TTN: variants seen among roughly 807,000 people sequenced by gnomAD.
The protein encoded by TTN is titin.
A neutral mutation model predicts 3,223.0 loss-of-function variants in TTN; 1,525 were observed. That is an observed-to-expected ratio of 0.47 (90% CI 0.45 to 0.49). The LOEUF (loss-of-function observed/expected upper bound fraction) is 0.49. TTN is among the 20% of genes least tolerant of loss of function. The probability of loss-of-function intolerance (pLI) is 0.00; values close to 1 mark genes in which losing one functional copy is unlikely to be tolerated. For missense variants in TTN, 40,786 were observed against 43,424.0 expected (o/e 0.94, Z 5.40); for synonymous variants, 14,094 against 15,161.0 (o/e 0.93, Z 5.17).
At position 178,740,470 on chromosome 2, in the gene TTN, G is replaced by T. The variant is rs1440277193; in HGVS notation, c.12763C>A (p.Gln4255Lys). The change falls in exon 48 of 363, where the codon CAA becomes AAA. Residue 4255 changes from glutamine (Q) to lysine (K), a missense_variant. Transcript: ENST00000589042. ...AAGATGAGCGCACTTTGTGCCTCTTGCTTTTGAAGAGTCACTCTTTGCTCT... is the reference window on the plus strand; with the variant it reads ...AAGATGAGCGCACTTTGTGCCTCTTTCTTTTGAAGAGTCACTCTTTGCTCT... ...NREQRVTLQK[Q>K]EAQSALILSQ... 1 of 1,613,578 alleles carries T rather than the reference G, an allele frequency of 6.2e-7. No homozygotes were observed. Among genetic ancestry groups the T allele is most frequent in the African/African-American group, 1.3e-5 (1 of 74,914 alleles).
At chr2:178,678,393 C>CT (rs1264865517) in intron 144 of TTN, 21 bp downstream of exon 144, 2 of 1,569,712 alleles carry the variant, frequency 1.3e-6, no homozygotes, top group Admixed American at 1.9e-5. Context: ...CCCAAGTACT[C>CT]TAAGTGATGA....
At position 178,530,799 on chromosome 2, in the gene TTN, T is replaced by C; in HGVS notation, c.105816A>G (p.Thr35272=). The C allele has an allele frequency of 6.2e-7, 1 of 1,613,850 alleles. No homozygotes were observed. The highest frequency in any genetic ancestry group is 8.5e-7 in the Non-Finnish European group (1 of 1,179,866). The change falls in exon 358 of 363, where the codon ACA becomes ACG. Residue 35272 remains threonine (T), a synonymous_variant. Transcript: ENST00000589042. ...GGAGGTGCTGAACTTTCTCTGTTGG[T>C]GTTGGTTTTGTCTCTGTGGGTGATA... ...KAVSPTETKP[T]PTEKVQHLPV... is the part of the protein sequence containing the mutation.
chr2:178,538,867 GAGT>G, intron 353 of TTN, 28 bp from the exon 354 acceptor site: 1 of 1,582,700 alleles, frequency 6.3e-7, no homozygotes, highest in Non-Finnish European at 8.6e-7. Flanking sequence ...AATGAAAAGG[GAGT>G]CAGCTTTACT....
chr2:178,770,696 G>A (rs2091335064), intron 34 of TTN, 21 bp from the exon 35 acceptor site: 1 of 1,606,182 alleles, frequency 6.2e-7, no homozygotes, highest in Non-Finnish European at 8.5e-7. Context: ...ATTTATGATT[G>A]GGTTAGAAAA....
chr2:178,559,829 G>T lies in TTN; in HGVS notation c.86303C>A (p.Ala28768Asp). Residue 28768 changes from alanine to aspartate, a missense_variant, in exon 326 of 363, where the codon GCT (alanine) becomes GAT (aspartate). Physicochemically the swap from Ala to Asp is moderately radical, Grantham distance 126. Coordinates refer to ENST00000589042, the MANE Select transcript of TTN (RefSeq NM_001267550.2). The part of the protein sequence containing the change: ...SEMRKTLIVK[A>D]GASFTMTVPF... ...CACAGTCATGGTAAATGAGGCACCAGCCTTGACAATCAAGGTCTTCCTCAT... is the reference window on the plus strand; with the variant it reads ...CACAGTCATGGTAAATGAGGCACCATCCTTGACAATCAAGGTCTTCCTCAT... 6.2e-7 allele frequency: 1 copy of T among 1,610,682 alleles called. No individual in the cohort carries two copies.
In TTN at chr2:178,594,498, G is replaced by T. The variant is rs762362185; in HGVS notation, c.57996C>A (p.His19332Gln). 6.2e-7 allele frequency: 1 copy of T among 1,613,252 alleles called. No individual in the cohort carries two copies. The highest frequency in any genetic ancestry group is 8.5e-7 in the Non-Finnish European group (1 of 1,179,550). Residue 19332 changes from histidine (H) to glutamine (Q), a missense_variant, in exon 296 of 363, where the codon CAC (histidine) becomes CAA (glutamine). By Grantham distance (24) the His-to-Gln change is conservative. Coordinates refer to ENST00000589042, the MANE Select transcript of TTN (RefSeq NM_001267550.2). ...TAAGCAAGTTGTCATTTGTAACTTT[G>T]TGGAACTTCTCAGTCCCAATGAGCC... ...ESRLIGTEKFHKVTNDNLLSR... is the reference protein window; with the variant it reads ...ESRLIGTEKFQKVTNDNLLSR...
Position 178,766,600 on chromosome 2 carries a change from G to T in TTN, c.9484C>A (p.Gln3162Lys). 5 of 1,613,436 alleles carry T rather than the reference G, an allele frequency of 3.1e-6. No individual in the cohort carries two copies. Among genetic ancestry groups the T allele is most frequent in the Non-Finnish European group, 3.4e-6 (4 of 1,179,626 alleles). Residue 3162 changes from glutamine to lysine, a missense_variant, in exon 41 of 363, where the codon CAG becomes AAG. Gln to Lys is a moderately conservative substitution (Grantham distance 53). Coordinates refer to ENST00000589042, the MANE Select transcript of TTN (RefSeq NM_001267550.2). Reference sequence around the variant, plus strand: ...ACCTCAAATTCAACAACAGCACGCTGTTTCTCAATGACCTGTTGATGGAAC... The same window carrying T: ...ACCTCAAATTCAACAACAGCACGCTTTTTCTCAATGACCTGTTGATGGAAC... ...IKKEVQVIEK[Q>K]RAVVEFEVNE... is the part of the protein sequence containing the mutation.
chr2:178,598,167 A>G (rs1576227732), intron 292 of TTN, 109 bp from the exon 293 acceptor site: 1 of 1,293,262 alleles, frequency 7.7e-7, no homozygotes, highest in South Asian at 1.4e-5. Context: ...TTACTCTGGG[A>G]AAATTGTTGC....
intron 126 of TTN, 31 bp from the exon 127 acceptor site, chr2:178,688,255 G>C: frequency 6.3e-7 from 1 of 1,592,980 alleles, no homozygotes; most frequent in Non-Finnish European, 8.6e-7. Context: ...TTTAAATTCA[G>C]CCTGCTGAGA....
chr2:178,597,535 T>A lies in TTN; in HGVS notation c.57544+3A>T. 5.0e-6 allele frequency: 8 copies of A among 1,608,188 alleles called. No homozygotes were observed. The highest frequency in any genetic ancestry group is 6.8e-6 in the Non-Finnish European group (8 of 1,177,524). ...GTTGCACAGACAAATTGAAAGTATT[T>A]ACCTAATACATCAACAATAATTGTC... On this transcript the variant is annotated splice_donor_region_variant and intron_variant, in intron 294 of 362. Transcript: ENST00000589042.
rs72646808 is a variant in TTN at position 178,607,592 on chromosome 2, C to A, written c.53096G>T (p.Arg17699Leu). ...TLRIPAVVTGRPVPTKVWTKE... is the reference protein window; with the variant it reads ...TLRIPAVVTGLPVPTKVWTKE... ...GGTCCATACTTTTGTAGGTACAGGG[C>A]GACCAGTCACCACAGCTGGAATTCT... Residue 17699 changes from arginine to leucine, a missense_variant, in exon 277 of 363, where the codon CGC (arginine) becomes CTC (leucine). Coordinates refer to ENST00000589042, the MANE Select transcript of TTN (RefSeq NM_001267550.2). The A allele has an allele frequency of 1.2e-6, 2 of 1,613,118 alleles. No individual in the cohort carries two copies. The highest frequency in any genetic ancestry group is 1.7e-6 in the Non-Finnish European group (2 of 1,179,378).
chr2:178,601,564 T>G lies in TTN; in HGVS notation c.55433A>C (p.Asp18478Ala), dbSNP rs794729240. Residue 18478 changes from aspartate to alanine, a missense_variant and splice_region_variant, in exon 287 of 363, where the codon GAT becomes GCT. Asp to Ala is a moderately radical substitution (Grantham distance 126). Coordinates refer to ENST00000589042, the MANE Select transcript of TTN (RefSeq NM_001267550.2). The stretch of plus-strand genomic sequence containing the variant: ...CAGATCTTTGGGTGGGCCTGGTACA[T>G]CTGTTGGATGTAAATCACAATATAA... ...KTANCRVKVM[D>A]VPGPPKDLKV... is the part of the protein sequence containing the mutation. 1 of 1,608,476 alleles carries G rather than the reference T, an allele frequency of 6.2e-7. No individual in the cohort carries two copies. The highest frequency in any genetic ancestry group is 8.5e-7 in the Non-Finnish European group (1 of 1,177,006).
rs1702361151 is a variant in TTN at position 178,558,523 on chromosome 2, A to G, written c.86936T>C (p.Val28979Ala). Residue 28979 changes from valine to alanine, a missense_variant, in exon 327 of 363, where the codon GTT (valine) becomes GCT (alanine). Val to Ala is a moderately conservative substitution (Grantham distance 64, BLOSUM62 0). Coordinates refer to ENST00000589042, the MANE Select transcript of TTN (RefSeq NM_001267550.2). Reference sequence around the variant, plus strand: ...TTTCTGTCCTTTTTCTAGTGCTTCAACGACATAGTGTACAATTCTGCTTCC... The same window carrying G: ...TTTCTGTCCTTTTTCTAGTGCTTCAGCGACATAGTGTACAATTCTGCTTCC... ...DGGSRIVHYV[V>A]EALEKGQKNW... 6.2e-7 allele frequency: 1 copy of G among 1,613,816 alleles called. No homozygotes were observed. The highest frequency in any genetic ancestry group is 1.1e-5 in the South Asian group (1 of 91,080).
chr2:178,698,880 T>A lies in TTN; in HGVS notation c.30717A>T (p.Lys10239Asn). Residue 10239 changes from lysine to asparagine, a missense_variant, in exon 112 of 363, where the codon AAA (lysine) becomes AAT (asparagine). Coordinates refer to ENST00000589042, the MANE Select transcript of TTN (RefSeq NM_001267550.2). ...TCATCTCTTTGGGCTTTGCAACAACTTTTTTGGCATCTTTCTTCACAGCCT... is the reference window on the plus strand; with the variant it reads ...TCATCTCTTTGGGCTTTGCAACAACATTTTTGGCATCTTTCTTCACAGCCT... The part of the protein sequence containing the change: ...TKKAVKKDAK[K>N]VVAKPKEMTP... 1 of 1,538,130 alleles carries A rather than the reference T, an allele frequency of 6.5e-7. No individual in the cohort carries two copies.
Position 178,664,443 on chromosome 2 carries a change from G to T in TTN, c.36280+17C>A. 1 of 1,589,544 alleles carries T rather than the reference G, an allele frequency of 6.3e-7. No individual in the cohort carries two copies. Among genetic ancestry groups the T allele is most frequent in the Non-Finnish European group, 8.6e-7 (1 of 1,168,422 alleles). ...CCCACCCACTATCCCACCATAAAAA[G>T]ACAGTTAAGAATGTACCTTTGACAG... On this transcript the variant is annotated intron_variant, in intron 168 of 362. Coordinates refer to ENST00000589042, the MANE Select transcript of TTN (RefSeq NM_001267550.2).
In TTN at chr2:178,650,214, TTTTCCTCTTCAGGAGCAA is replaced by T. The variant is rs139512154; in HGVS notation, c.39749_39766del (p.Ile13250_Glu13255del). ...CTCCTCTTCTGCAACAGGAACTGGC[TTTTCCTCTTCAGGAGCAA>T]TTTCCTCTTCAGGAGCAATTTCCTC... On this transcript the variant is annotated inframe_deletion, in exon 210 of 363. Coordinates refer to ENST00000589042, the MANE Select transcript of TTN (RefSeq NM_001267550.2). The T allele has an allele frequency of 0.012, 19,002 of 1,596,062 alleles. 290 individuals are homozygous for T. The highest frequency in any genetic ancestry group is 0.063 in the African/African-American group (4,701 of 74,426).
chr2:178,780,287 A>G (rs2092648246), intron 21 of TTN, 82 bp from the exon 22 acceptor site: 2 of 1,303,660 alleles, frequency 1.5e-6, no homozygotes, highest in Non-Finnish European at 2.2e-6. Context: ...TAAACTCTAC[A>G]CTGGGGAAAG....
At chr2:178,554,286 G>C in intron 332 of TTN, 70 bp from the exon 333 acceptor site, 1 of 1,464,944 alleles carries the variant, frequency 6.8e-7, no homozygotes, top group African/African-American at 1.4e-5. Flanking sequence ...TTTGATGTTC[G>C]CATTCTTTCC....
Position 178,536,206 on chromosome 2 carries a change from G to A in TTN, c.100541C>T (p.Thr33514Ile). ...ATGACCAGTCACTTTGCAGACCAAG[G>A]TAGCATTGCTCTGATATCTGACATT... ...NLNVRYQSNA[T>I]LVCKVTGHPK... Residue 33514 changes from threonine to isoleucine, a missense_variant, in exon 357 of 363, where the codon ACC becomes ATC. Coordinates refer to ENST00000589042, the MANE Select transcript of TTN (RefSeq NM_001267550.2). The A allele has an allele frequency of 1.9e-6, 3 of 1,613,298 alleles. No homozygotes were observed. Among genetic ancestry groups the A allele is most frequent in the African/African-American group, 1.3e-5 (1 of 75,028 alleles).
Sources: gnomAD v4.1 joint callset for allele counts on GRCh38, gnomAD v4.1.1 for gene constraint, MANE v1.5 for transcripts, NCBI Gene and HGNC (gene_info 2026-07-23, HGNC 2026-07-21) for gene names.